The following CATSPERB variants were observed in gnomAD, a reference collection of about 807,000 sequenced individuals.
CATSPERB encodes the protein cation channel sperm-associated auxiliary subunit beta.
CATSPERB carries 93 observed loss-of-function variants against 128.3 expected under a neutral mutation model. The observed-to-expected ratio is 0.72, with a 90% CI of 0.61 to 0.86. CATSPERB has a LOEUF of 0.86. CATSPERB is among the 40% of genes least tolerant of loss of function. The pLI is 0.00. For synonymous variants in CATSPERB, 381 were observed against 448.8 expected, an observed-to-expected ratio of 0.85 and a Z score of 1.91; for missense variants, 1,153 against 1,329.5, an observed-to-expected ratio of 0.87 and a Z score of 2.06.
chr14:91,710,917 C>G (rs1186722663), intron 5 of CATSPERB, among the ~76,000 whole-genome samples: 1 of 152,192 alleles, frequency 6.6e-6, no homozygotes, highest in East Asian at 1.9e-4. Flanking sequence ...TCCTCATAAC[C>G]TCCACCTCAT....
chr14:91,681,500 C>G (rs1895280061), intron 11 of CATSPERB, among the ~76,000 whole-genome samples: 1 of 152,150 alleles, frequency 6.6e-6, no homozygotes, highest in African/African-American at 2.4e-5. Context: ...AGGTAACATC[C>G]CGAAGTGGGA....
rs776513205 is a variant in CATSPERB, at chr14:91,659,918, TGATATCATCATG to T, written c.1339_1350del (p.His447_Ile450del). The T allele has an allele frequency of 6.2e-7, 1 of 1,604,564 alleles. No individual in the cohort carries two copies. Among genetic ancestry groups the T allele is most frequent in the Non-Finnish European group, 8.5e-7 (1 of 1,177,454 alleles). ...TAAAAACTATGAAAAGTCTTCTTTA[TGATATCATCATG>T]AAAGTTAGCTATTAATTGAAAGGTG... On this transcript the variant is annotated inframe_deletion, in exon 15 of 27. Coordinates refer to ENST00000256343, the MANE Select transcript of CATSPERB (RefSeq NM_024764.4).
chr14:91,716,820 G>A (rs889416533), intron 5 of CATSPERB, among the ~76,000 whole-genome samples: 2 of 151,572 alleles, frequency 1.3e-5, no homozygotes, highest in African/African-American at 4.9e-5. Flanking sequence ...AAATGATAAA[G>A]CCACTTTGGG....
At chr14:91,704,119 A>G (rs966177547) in intron 7 of CATSPERB, among the ~76,000 whole-genome samples, 9 of 152,210 alleles carry the variant, frequency 5.9e-5, no homozygotes, top group African/African-American at 2.2e-4. Flanking sequence ...GTGTTATGAA[A>G]TGGATATAGA....
At chr14:91,682,144 A>C (rs1895292497) in intron 11 of CATSPERB, among the ~76,000 whole-genome samples, 1 of 152,110 alleles carries the variant, frequency 6.6e-6, no homozygotes, top group South Asian at 2.1e-4. Context: ...CAAGCCACCA[A>C]CCTAAGTACT....
intron 26 of CATSPERB, among the ~76,000 whole-genome samples, chr14:91,584,480 T>A (rs535706157): frequency 6.6e-6 from 1 of 152,344 alleles, no homozygotes; most frequent in South Asian, 2.1e-4. Flanking sequence ...GTCACACCTA[T>A]CTTTTATCCA....
At chr14:91,616,773 C>T (rs1444076699) in intron 20 of CATSPERB, among the ~76,000 whole-genome samples, 18 of 108,528 alleles carry the variant, frequency 1.7e-4, no homozygotes, top group African/African-American at 5.7e-4. Flanking sequence ...CAGAGTTTCA[C>T]TCTTGTTGCC....
intron 6 of CATSPERB, 120 bp from the exon 7 acceptor site, chr14:91,704,821 G>T (rs2139854955): frequency 3.1e-6 from 3 of 956,154 alleles, no homozygotes; most frequent in South Asian, 1.9e-5. Context: ...CAAAAAAGGT[G>T]CATTACCTCA....
chr14:91,619,425 G>A (rs1894001378), intron 19 of CATSPERB, among the ~76,000 whole-genome samples: 1 of 152,096 alleles, frequency 6.6e-6, no homozygotes, highest in South Asian at 2.1e-4. Context: ...GTTTCAGATA[G>A]AAGGAAGGTT....
intron 7 of CATSPERB, among the ~76,000 whole-genome samples, chr14:91,700,719 A>G (rs761006015): frequency 2.6e-5 from 4 of 152,188 alleles, no homozygotes; most frequent in Non-Finnish European, 5.9e-5. Context: ...GTGAATTAAC[A>G]CAGGCAACAG....
chr14:91,581,891 C>T (rs918013250), intron 26 of CATSPERB, among the ~76,000 whole-genome samples: 1 of 152,130 alleles, frequency 6.6e-6, no homozygotes, highest in Non-Finnish European at 1.5e-5. Context: ...GGAACTAGGA[C>T]AGTAGGGAAT....
At chr14:91,667,058 G>A (rs28863824) in intron 14 of CATSPERB, among the ~76,000 whole-genome samples, 12,536 of 152,270 alleles carry the variant, frequency 0.082, 552 homozygotes, top group Middle Eastern at 0.16. Flanking sequence ...AGGGGCCAGC[G>A]CCCAGTTAGC....
rs115907317 is a variant in CATSPERB at position 91,722,028 on chromosome 14, C to A, written c.309+1021G>T. ...TCCTGCCTGGGCAACACAGCAAGAC[C>A]CTGTCTCTAAACAAAAAAGAAAGAA... On this transcript the variant is annotated intron_variant, in intron 4 of 26. Transcript: ENST00000256343. Among the ~76,000 whole-genome samples, 787 of 151,888 alleles carry A rather than the reference C, an allele frequency of 5.2e-3. 7 individuals carry two copies. Among genetic ancestry groups the A allele is most frequent in the African/African-American group, 0.018 (735 of 41,412 alleles).
chr14:91,710,706 A>G (rs1166049545), intron 5 of CATSPERB: 2 of 152,246 alleles, frequency 1.3e-5, no homozygotes, highest in African/African-American at 2.4e-5. Flanking sequence ...GCCTTTCTCT[A>G]CCAACTCTTG....
intron 6 of CATSPERB, among the ~76,000 whole-genome samples, chr14:91,705,997 A>G (rs983380791): frequency 2.0e-5 from 3 of 152,222 alleles, no homozygotes; most frequent in Non-Finnish European, 2.9e-5. Context: ...AGCCAGGGCA[A>G]TTTGAAAGAC....
chr14:91,620,719 T>C (rs1449145979), intron 19 of CATSPERB, among the ~76,000 whole-genome samples: 1 of 152,146 alleles, frequency 6.6e-6, no homozygotes, highest in Non-Finnish European at 1.5e-5. Context: ...AAAGGGTTGG[T>C]TCAAGGAGCC....
chr14:91,716,486 G>A (rs1895941628), intron 5 of CATSPERB, among the ~76,000 whole-genome samples: 1 of 152,056 alleles, frequency 6.6e-6, no homozygotes, highest in Admixed American at 6.6e-5. Context: ...GCTGAGGCAG[G>A]AGAATCACTT....
At chr14:91,693,091 A>T in intron 9 of CATSPERB, 35 bp downstream of exon 9, 2 of 1,294,850 alleles carry the variant, frequency 1.5e-6, no homozygotes, top group Non-Finnish European at 2.2e-6. Context: ...GAAGATATTT[A>T]AGATTAGCTA....
intron 10 of CATSPERB, among the ~76,000 whole-genome samples, chr14:91,687,513 T>C (rs1460724940): frequency 6.6e-6 from 1 of 152,176 alleles, no homozygotes; most frequent in East Asian, 1.9e-4. Flanking sequence ...AAGGCAGCCC[T>C]CACCAGACAC....
Sources: gnomAD v4.1 joint callset for allele counts (sites outside exome capture counted in the v4.1 genomes callset) on GRCh38, gnomAD v4.1.1 for gene constraint, MANE v1.5 for transcripts, NCBI Gene and HGNC (gene_info 2026-07-23, HGNC 2026-07-21) for gene names.